Variants in RBFOX1 observed in about 807,000 individuals in gnomAD.
RBFOX1 encodes the protein RNA binding protein fox-1 homolog 1.
Under a neutral mutation model 57.7 loss-of-function variants are expected in RBFOX1, and 8 were observed. The observed-to-expected ratio is 0.14, with a 90% CI of 0.08 to 0.25. RBFOX1 has a LOEUF of 0.25. Ranked by LOEUF, RBFOX1 falls within the 10% of genes least tolerant of loss-of-function variation. RBFOX1 has a pLI of 1.00. For synonymous variants in RBFOX1, 326 were observed against 222.4 expected (o/e 1.47, Z -4.15); for missense variants, 611 against 548.5 (o/e 1.11, Z -1.14).
At chr16:6,359,622 A>C (rs1313995929) in intron 2 of RBFOX1, among the ~76,000 whole-genome samples, 1 of 152,214 alleles carries the variant, frequency 6.6e-6, no homozygotes, top group African/African-American at 2.4e-5. Flanking sequence ...ACCAGAAAAC[A>C]TCAGACCAAC....
intron 3 of RBFOX1, among the ~76,000 whole-genome samples, chr16:5,673,843 G>A (rs1218582630): frequency 6.6e-6 from 1 of 152,200 alleles, no homozygotes; most frequent in African/African-American, 2.4e-5. Context: ...AGACTCATTA[G>A]CATTTCCCAG....
intron 4 of RBFOX1, among the ~76,000 whole-genome samples, chr16:7,487,025 G>T (rs772640650): frequency 6.6e-6 from 1 of 152,082 alleles, no homozygotes; most frequent in Non-Finnish European, 1.5e-5. Flanking sequence ...TCAGCCTCCC[G>T]AGTAGCTGAG....
chr16:5,737,140 C>A (rs1397029498), intron 3 of RBFOX1, among the ~76,000 whole-genome samples: 2 of 152,052 alleles, frequency 1.3e-5, no homozygotes, highest in Non-Finnish European at 2.9e-5. Context: ...CTGGATGCTT[C>A]ATGTCAGCAA....
chr16:7,275,716 G>A (rs2095427887), intron 4 of RBFOX1, among the ~76,000 whole-genome samples: 1 of 152,202 alleles, frequency 6.6e-6, no homozygotes, highest in African/African-American at 2.4e-5. Flanking sequence ...AGATTAATAG[G>A]CATTGTTTTG....
At chr16:6,660,612 C>G (rs992965904) in intron 3 of RBFOX1, among the ~76,000 whole-genome samples, 73 of 152,256 alleles carry the variant, frequency 4.8e-4, no homozygotes, top group African/African-American at 1.6e-3. Context: ...GAGAAGCTTT[C>G]TTACCCTGTA....
intron 4 of RBFOX1, among the ~76,000 whole-genome samples, chr16:7,282,788 A>C (rs377378924): frequency 2.0e-5 from 3 of 152,248 alleles, no homozygotes; most frequent in East Asian, 3.9e-4. Flanking sequence ...ATGCCTTTGC[A>C]TTCTCATAGC....
intron 4 of RBFOX1, among the ~76,000 whole-genome samples, chr16:7,283,349 A>G (rs2095585555): frequency 6.6e-6 from 1 of 151,968 alleles, no homozygotes; most frequent in South Asian, 2.1e-4. Flanking sequence ...AGCATTCCTG[A>G]CAGGGAGAAG....
At chr16:5,986,443 C>A (rs2060288088) in intron 4 of RBFOX1, among the ~76,000 whole-genome samples, 1 of 152,172 alleles carries the variant, frequency 6.6e-6, no homozygotes, top group Non-Finnish European at 1.5e-5. Context: ...CCAGTTTCTC[C>A]CAGTGTCAAC....
At chr16:6,702,894 A>G (rs2062074091) in intron 3 of RBFOX1, among the ~76,000 whole-genome samples, 1 of 152,198 alleles carries the variant, frequency 6.6e-6, no homozygotes, top group African/African-American at 2.4e-5. Flanking sequence ...CCAAATGGAA[A>G]CTTTGTACCT....
intron 1 of RBFOX1, among the ~76,000 whole-genome samples, chr16:6,091,362 C>A (rs894756906): frequency 6.6e-6 from 1 of 152,194 alleles, no homozygotes; most frequent in East Asian, 1.9e-4. Context: ...TATGTAAATG[C>A]AGCACATTGT....
At chr16:6,008,134 G>A (rs188081561) in intron 4 of RBFOX1, among the ~76,000 whole-genome samples, 163 of 152,270 alleles carry the variant, frequency 1.1e-3, no homozygotes, top group African/African-American at 3.9e-3. Flanking sequence ...GAACCTGGCA[G>A]GCAGAGGTTG....
At chr16:6,622,786 A>G (rs1378704237) in intron 2 of RBFOX1, among the ~76,000 whole-genome samples, 1 of 152,234 alleles carries the variant, frequency 6.6e-6, no homozygotes, top group Non-Finnish European at 1.5e-5. Context: ...TTTATTTAAT[A>G]CTGAAGCCAC....
At chr16:7,287,457 G>A (rs1302099295) in intron 4 of RBFOX1, among the ~76,000 whole-genome samples, 5 of 152,170 alleles carry the variant, frequency 3.3e-5, no homozygotes, top group Admixed American at 6.5e-5. Context: ...CCAGGACAGC[G>A]AGTAGGTGCA....
intron 4 of RBFOX1, among the ~76,000 whole-genome samples, chr16:7,208,448 C>G (rs1174851003): frequency 2.6e-5 from 4 of 152,162 alleles, no homozygotes; most frequent in African/African-American, 9.7e-5. Flanking sequence ...GCTGCTTCCA[C>G]TCGTGGCAGA....
At chr16:6,244,910 C>T (rs902632865) in intron 1 of RBFOX1, among the ~76,000 whole-genome samples, 3 of 150,790 alleles carry the variant, frequency 2.0e-5, no homozygotes, top group African/African-American at 7.3e-5. Flanking sequence ...CTTTGGCAAA[C>T]TGAATACCCA....
chr16:7,050,993 C>G (rs1192342009), intron 3 of RBFOX1, among the ~76,000 whole-genome samples: 4 of 152,052 alleles, frequency 2.6e-5, no homozygotes, highest in African/African-American at 9.7e-5. Context: ...AAAGTCAAAA[C>G]AAACTTTGTA....
intron 3 of RBFOX1, among the ~76,000 whole-genome samples, chr16:5,695,368 A>C (rs72765146): frequency 7.2e-5 from 11 of 152,336 alleles, no homozygotes; most frequent in Non-Finnish European, 1.3e-4. Flanking sequence ...GAGCCACAGC[A>C]ATAAGAGCAA....
Position 6,763,793 on chromosome 16 carries a change from C to G in RBFOX1, c.-16+109143C>G, listed in dbSNP as rs563958359. Among the ~76,000 whole-genome samples, 20 of 152,316 alleles carry G rather than the reference C, an allele frequency of 1.3e-4. No individual in the cohort carries two copies. The South Asian group carries it at 2.7e-3, about 21-fold the overall frequency. ...CATTAAATGTTTAAATGTGTTCACA[C>G]TGAAACGTGTGGGAATAGCAAATGG... is the stretch of plus-strand genomic sequence containing the variant. On this transcript the variant is annotated intron_variant, in intron 3 of 15. Transcript: ENST00000550418.
At chr16:5,845,503 C>G (rs1011738384) in intron 3 of RBFOX1, among the ~76,000 whole-genome samples, 13 of 152,138 alleles carry the variant, frequency 8.5e-5, no homozygotes, top group African/African-American at 2.4e-4. Context: ...GAGATGTGAG[C>G]AGGAAATTGA....
Sources: allele counts gnomAD v4.1 joint callset (sites outside exome capture counted in the v4.1 genomes callset), GRCh38; gene constraint gnomAD v4.1.1; transcripts MANE v1.5; gene names NCBI Gene and HGNC (gene_info 2026-07-23, HGNC 2026-07-21).